Variants in TCF4 observed in about 807,000 individuals in gnomAD.
TCF4 encodes the protein transcription factor 4.
In TCF4, 3 loss-of-function variants were observed where a neutral mutation model predicts 82.1. That is an observed-to-expected ratio of 0.04 (90% confidence interval 0.02 to 0.09). The LOEUF (loss-of-function observed/expected upper bound fraction) is 0.09, where lower values mean the gene tolerates loss of function less well. Ranked by LOEUF, TCF4 falls within the 10% of genes least tolerant of loss-of-function variation. The probability of loss-of-function intolerance (pLI) is 1.00; values close to 1 mark genes in which losing one functional copy is unlikely to be tolerated. For synonymous variants in TCF4, 276 were observed against 309.6 expected, an observed-to-expected ratio of 0.89 and a Z score of 1.14; for missense variants, 518 against 852.7, an observed-to-expected ratio of 0.61 and a Z score of 4.89.
At chr18:55,527,947 C>A (rs1375380132) in intron 3 of TCF4, among the ~76,000 whole-genome samples, 1 of 152,086 alleles carries the variant, frequency 6.6e-6, no homozygotes, top group East Asian at 1.9e-4. Flanking sequence ...CAGTCCACAG[C>A]CAATTTGGGA....
intron 8 of TCF4, among the ~76,000 whole-genome samples, chr18:55,308,032 T>C (rs757809123): frequency 3.7e-4 from 56 of 152,246 alleles, no homozygotes; most frequent in Non-Finnish European, 4.6e-4. Flanking sequence ...CATGTATGAA[T>C]GAACATGGTC....
At chr18:55,439,592 A>C (rs531473969) in intron 5 of TCF4, among the ~76,000 whole-genome samples, 1 of 152,360 alleles carries the variant, frequency 6.6e-6, no homozygotes, top group South Asian at 2.1e-4. Context: ...TCAAGGACTC[A>C]GTGATCACCT....
intron 8 of TCF4, among the ~76,000 whole-genome samples, chr18:55,308,536 G>A (rs940766691): frequency 1.3e-5 from 2 of 152,234 alleles, no homozygotes; most frequent in Non-Finnish European, 2.9e-5. Context: ...TATGGTGGAT[G>A]TGACACATTC....
At position 55,467,342 on chromosome 18, in the gene TCF4, C is replaced by T. The variant is rs1447109373; in HGVS notation, c.146-3205G>A. On this transcript the variant is annotated intron_variant, in intron 3 of 19. Transcript: ENST00000354452. ...CTCAATAACTATTCCAGTGCACCAC[C>T]AAGTGCATTTCAAAGTGTATCCGCC... Among the ~76,000 whole-genome samples, 5 of 152,282 alleles carry T rather than the reference C, an allele frequency of 3.3e-5. No individual in the cohort carries two copies. In the East Asian group the frequency reaches 9.6e-4, roughly 29 times the overall value.
chr18:55,453,926 C>T (rs2095679244), intron 5 of TCF4, among the ~76,000 whole-genome samples: 1 of 152,002 alleles, frequency 6.6e-6, no homozygotes, highest in Admixed American at 6.6e-5. Context: ...GTGGCACAAT[C>T]ACAGCTCACT....
intron 6 of TCF4, among the ~76,000 whole-genome samples, chr18:55,378,601 A>T (rs1206060364): frequency 6.6e-6 from 1 of 152,204 alleles, no homozygotes; most frequent in East Asian, 1.9e-4. Context: ...AAGAAGTCTG[A>T]TTGAAAGGCT....
intron 8 of TCF4, among the ~76,000 whole-genome samples, chr18:55,326,459 G>C (rs1403863878): frequency 7.6e-6 from 1 of 131,956 alleles, no homozygotes; most frequent in Non-Finnish European, 1.6e-5. Context: ...CTTAGGTGAA[G>C]TCTGCTAAAA....
intron 1 of TCF4, among the ~76,000 whole-genome samples, chr18:55,634,696 G>A (rs2097734610): frequency 6.6e-6 from 1 of 152,164 alleles, no homozygotes; most frequent in African/African-American, 2.4e-5. Flanking sequence ...TGACAATGGT[G>A]TATTTATGAC....
chr18:55,609,149 C>T (rs2147960359), intron 2 of TCF4, among the ~76,000 whole-genome samples: 1 of 152,238 alleles, frequency 6.6e-6, no homozygotes, highest in East Asian at 1.9e-4. Flanking sequence ...CTTCCCAGCC[C>T]ACAGAACTGT....
At chr18:55,568,502 C>T (rs1009848183) in intron 3 of TCF4, among the ~76,000 whole-genome samples, 2 of 151,572 alleles carry the variant, frequency 1.3e-5, no homozygotes, top group Non-Finnish European at 2.9e-5. Flanking sequence ...ATGTATACAA[C>T]ACACACATCT....
chr18:55,452,543 T>A (rs1315316544), intron 5 of TCF4: 1 of 152,370 alleles, frequency 6.6e-6, no homozygotes, highest in African/African-American at 2.4e-5. Flanking sequence ...CAGGAGACAC[T>A]GGGAGTAAAG....
intron 8 of TCF4, 31 bp downstream of exon 8, chr18:55,350,328 A>G (rs1308308775): frequency 6.2e-7 from 1 of 1,608,062 alleles, no homozygotes; most frequent in African/African-American, 1.3e-5. Context: ...CAAAATAAGC[A>G]ATATACAAAG....
intron 5 of TCF4, among the ~76,000 whole-genome samples, chr18:55,445,070 T>C (rs1454015596): frequency 1.3e-5 from 2 of 152,200 alleles, no homozygotes; most frequent in African/African-American, 2.4e-5. Flanking sequence ...TCCTGAGTAA[T>C]CTCCTTGCCC....
intron 3 of TCF4, among the ~76,000 whole-genome samples, chr18:55,467,540 G>A (rs1021768237): frequency 1.4e-4 from 21 of 152,092 alleles, no homozygotes; most frequent in African/African-American, 2.7e-4. Context: ...TGTAACACAA[G>A]ACAAATGCAT....
chr18:55,596,580 C>G (rs1047300701), intron 2 of TCF4, among the ~76,000 whole-genome samples: 2 of 152,096 alleles, frequency 1.3e-5, no homozygotes, highest in African/African-American at 4.8e-5. Context: ...GATCCATTAG[C>G]TTTTTTTCAC....
intron 5 of TCF4, among the ~76,000 whole-genome samples, chr18:55,431,547 T>C (rs2095195797): frequency 6.6e-6 from 1 of 152,220 alleles, no homozygotes; most frequent in Non-Finnish European, 1.5e-5. Context: ...CCAAAAGTGC[T>C]GGGATTACAG....
chr18:55,340,583 C>CCAAA (rs2079702469), intron 8 of TCF4, among the ~76,000 whole-genome samples: 1 of 65,454 alleles, frequency 1.5e-5, no homozygotes, highest in Non-Finnish European at 2.7e-5. Context: ...GACCCCATCT[C>CCAAA]AAAAAAAAAA....
At chr18:55,270,371 C>G (rs2060091930) in intron 10 of TCF4, among the ~76,000 whole-genome samples, 1 of 152,046 alleles carries the variant, frequency 6.6e-6, no homozygotes, top group South Asian at 2.1e-4. Flanking sequence ...ATCCACAGGG[C>G]TTATATTACA....
intron 3 of TCF4, among the ~76,000 whole-genome samples, chr18:55,504,191 A>C (rs1039243524): frequency 6.6e-6 from 1 of 152,258 alleles, no homozygotes; most frequent in Non-Finnish European, 1.5e-5. Context: ...TGTCAACAAT[A>C]TAAGTCTGAA....
Sources: allele counts gnomAD v4.1 joint callset (sites outside exome capture counted in the v4.1 genomes callset), GRCh38; gene constraint gnomAD v4.1.1; transcripts MANE v1.5; gene names NCBI Gene and HGNC (gene_info 2026-07-23, HGNC 2026-07-21).